The following LMLN variants were observed in gnomAD, a reference collection of about 807,000 sequenced individuals.
LMLN encodes leishmanolysin-like peptidase.
LMLN carries 70 observed loss-of-function variants against 92.3 expected under a neutral mutation model. The observed-to-expected ratio is 0.76, with a 90% confidence interval of 0.63 to 0.92. The LOEUF (loss-of-function observed/expected upper bound fraction) is 0.92, where lower values mean the gene tolerates loss of function less well. Ranked by LOEUF, LMLN falls within the 40% of genes least tolerant of loss-of-function variation. The pLI, the probability that LMLN is intolerant of heterozygous loss-of-function variation, is 0.00. For missense variants in LMLN, 691 were observed against 814.6 expected, an observed-to-expected ratio of 0.85 and a Z score of 1.85; for synonymous variants, 308 against 296.2, an observed-to-expected ratio of 1.04 and a Z score of -0.41.
At chr3:197,984,557 G>A (rs1721647612) in intron 7 of LMLN, among the ~76,000 whole-genome samples, 1 of 151,752 alleles carries the variant, frequency 6.6e-6, no homozygotes, top group South Asian at 2.1e-4. Context: ...GGGCTCAAGT[G>A]ATCCCACCTT....
chr3:197,974,964 A>T, intron 2 of LMLN, 78 bp from the exon 3 acceptor site: 1 of 982,370 alleles, frequency 1.0e-6, no homozygotes, highest in Non-Finnish European at 1.6e-6. Flanking sequence ...CTGGTTGCCC[A>T]TTTTTATGGT....
chr3:197,999,254 G>A lies in LMLN; in HGVS notation c.1156-12G>A. Reference sequence around the variant, plus strand: ...GAATCTAGTCTAATTAAACCCTGTTGGTGATTTTCAGAATGAAGCGATGAC... The same window carrying A: ...GAATCTAGTCTAATTAAACCCTGTTAGTGATTTTCAGAATGAAGCGATGAC... On this transcript the variant is annotated splice_polypyrimidine_tract_variant and intron_variant, in intron 10 of 15. Transcript: ENST00000330198. The A allele has an allele frequency of 1.9e-6, 3 of 1,600,212 alleles. No individual in the cohort carries two copies. Among genetic ancestry groups the A allele is most frequent in the Non-Finnish European group, 2.6e-6 (3 of 1,167,450 alleles).
At position 198,012,251 on chromosome 3, in the gene LMLN, G is replaced by C. The variant is rs569816473; in HGVS notation, c.1233-7002G>C. Among the ~76,000 whole-genome samples, 11 of 152,188 alleles carry C rather than the reference G, an allele frequency of 7.2e-5. No individual in the cohort carries two copies. The East Asian group carries it at 1.9e-3, about 27-fold the overall frequency. Reference sequence around the variant, plus strand: ...GGCTAATTTTTTTATTTGTAGTAGAGACGGGGTTTCATTCTGTTGACCAGG... The same window carrying C: ...GGCTAATTTTTTTATTTGTAGTAGACACGGGGTTTCATTCTGTTGACCAGG... On this transcript the variant is annotated intron_variant, in intron 11 of 15. Coordinates refer to ENST00000330198, the Ensembl canonical transcript of LMLN.
intron 10 of LMLN, 83 bp from the exon 11 acceptor site, chr3:197,999,183 A>G (rs1197344215): frequency 5.3e-6 from 5 of 945,814 alleles, no homozygotes; most frequent in Non-Finnish European, 8.6e-6. Flanking sequence ...GAAACATTTT[A>G]AATATGTATA....
At chr3:198,036,856 T>C (rs1723248600) in intron 15 of LMLN, among the ~76,000 whole-genome samples, 4 of 152,250 alleles carry the variant, frequency 2.6e-5, no homozygotes, top group Admixed American at 2.6e-4. Context: ...AAAAATCTTA[T>C]GCAATGTTTC....
intron 11 of LMLN, among the ~76,000 whole-genome samples, chr3:198,001,763 A>G (rs1161554938): frequency 6.6e-6 from 1 of 152,170 alleles, no homozygotes; most frequent in Non-Finnish European, 1.5e-5. Context: ...GCAAGGTGGT[A>G]CAAGTGGAGG....
exon 14 of LMLN, chr3:198,024,712 T>C: frequency 6.2e-7 from 1 of 1,612,586 alleles, no homozygotes; most frequent in East Asian, 2.2e-5. Context: ...GTTTGTCTAA[T>C]TCAGAAATCA....
intron 11 of LMLN, among the ~76,000 whole-genome samples, chr3:198,010,246 C>T (rs548759560): frequency 1.3e-5 from 2 of 151,940 alleles, no homozygotes; most frequent in Non-Finnish European, 2.9e-5. Context: ...CTCCGCCTCC[C>T]GGGTTCAAAC....
chr3:197,997,043 TC>T (rs1560144299), intron 10 of LMLN, among the ~76,000 whole-genome samples: 1 of 150,596 alleles, frequency 6.6e-6, no homozygotes, highest in African/African-American at 2.5e-5. Context: ...TTCTTTTCTT[TC>T]TTTCTTTCCT....
At chr3:198,026,669 C>T (rs1349357137) in intron 14 of LMLN, among the ~76,000 whole-genome samples, 5 of 152,196 alleles carry the variant, frequency 3.3e-5, no homozygotes, top group Admixed American at 6.5e-5. Flanking sequence ...CTACCCCTGA[C>T]GTGGAATTAA....
At chr3:198,038,704 T>C (rs759183986) in exon 16 of LMLN, 2 of 1,483,090 alleles carry the variant, frequency 1.3e-6, no homozygotes, top group South Asian at 2.3e-5. Context: ...TTCTTTTATG[T>C]TATGTTCTTG....
chr3:198,043,098 A>G (rs927415573), exon 16 of LMLN: 1 of 151,932 alleles, frequency 6.6e-6, no homozygotes, highest in Non-Finnish European at 1.5e-5. Context: ...AGATAAATAA[A>G]TATATCAAAG....
chr3:197,972,152 T>C (rs886097444), intron 1 of LMLN, among the ~76,000 whole-genome samples: 2 of 151,310 alleles, frequency 1.3e-5, no homozygotes, highest in Non-Finnish European at 2.9e-5. Flanking sequence ...GCAACCACCG[T>C]CTCCCGAGTT....
intron 11 of LMLN, among the ~76,000 whole-genome samples, chr3:198,014,699 C>T (rs1722567187): frequency 6.9e-6 from 1 of 144,636 alleles, no homozygotes; most frequent in South Asian, 2.2e-4. Flanking sequence ...TTCAGAGCCC[C>T]CTAACTAGTC....
exon 16 of LMLN, chr3:198,038,928 G>A (rs1003174750): frequency 5.9e-5 from 20 of 337,112 alleles, no homozygotes; most frequent in Admixed American, 1.3e-4. Flanking sequence ...CACCTCGTCA[G>A]CAACCCAACC....
At chr3:198,029,895 A>T (rs920094412) in intron 14 of LMLN, among the ~76,000 whole-genome samples, 2 of 151,808 alleles carry the variant, frequency 1.3e-5, no homozygotes, top group Admixed American at 1.3e-4. Context: ...GCTGGAGTGC[A>T]GGTGGCATGA....
At chr3:198,008,088 G>A (rs1247254616) in intron 11 of LMLN, among the ~76,000 whole-genome samples, 2 of 152,070 alleles carry the variant, frequency 1.3e-5, no homozygotes, top group African/African-American at 4.8e-5. Context: ...ACCCCACTTG[G>A]TGATGGCTTA....
At chr3:197,973,389 C>T (rs1336997933) in intron 1 of LMLN, among the ~76,000 whole-genome samples, 1 of 152,016 alleles carries the variant, frequency 6.6e-6, no homozygotes, top group African/African-American at 2.4e-5. Context: ...CTACAGGCGC[C>T]TGCCACCATG....
chr3:198,031,016 A>AGGC lies in LMLN; in HGVS notation c.1657-4814_1657-4812dup, dbSNP rs1490608583. Among the ~76,000 whole-genome samples the AGGC allele has an allele frequency of 6.6e-6, 1 of 152,266 alleles. No homozygotes were observed. The highest frequency in any genetic ancestry group is 1.9e-4 in the East Asian group (1 of 5,174). On this transcript the variant is annotated intron_variant, in intron 14 of 15. Transcript: ENST00000330198. This position sits in a 1 kb window ranked among gnomAD's most constrained non-coding sequence, Gnocchi z 4.8. The stretch of plus-strand genomic sequence containing the variant: ...CGTGACGCCTGCTGACAGCGTGGGA[A>AGGC]GGCGGGACCTCACCTCTGCCCTCAG...
Sources: allele counts gnomAD v4.1 joint callset (sites outside exome capture counted in the v4.1 genomes callset), GRCh38; gene constraint gnomAD v4.1.1; non-coding constraint Gnocchi (gnomAD v3.1); transcripts MANE v1.5; gene names NCBI Gene and HGNC (gene_info 2026-07-23, HGNC 2026-07-21).